TRIM5: variants seen among roughly 807,000 people sequenced by gnomAD.
TRIM5 encodes tripartite motif containing 5.
TRIM5 carries 31 observed loss-of-function variants against 35.6 expected under a neutral mutation model. The ratio of observed to expected loss-of-function variants is 0.87; its 90% CI spans 0.65 to 1.18. The LOEUF is 1.18. Ranked by LOEUF, TRIM5 falls within the 50% of genes most tolerant of loss-of-function variation. The probability of loss-of-function intolerance (pLI) is 0.00; values close to 1 mark genes in which losing one functional copy is unlikely to be tolerated. For missense variants in TRIM5, 609 were observed against 591.6 expected (o/e 1.03, Z -0.31); for synonymous variants, 243 against 215.6 (o/e 1.13, Z -1.11).
At chr11:5,603,001 C>T in the TRIM5 span, among the ~76,000 whole-genome samples, 1 of 152,106 alleles carries the variant, frequency 6.6e-6, no homozygotes, top group Non-Finnish European at 1.5e-5. Context: ...CTCACACAGG[C>T]CCCTCCTTTC....
the TRIM5 span, among the ~76,000 whole-genome samples, chr11:5,649,645 T>C: frequency 6.6e-6 from 1 of 152,176 alleles, no homozygotes; most frequent in African/African-American, 2.4e-5. Flanking sequence ...CATTGTCATG[T>C]CTACTGGTGA....
the TRIM5 span, chr11:5,603,498 CT>C: frequency 1.9e-6 from 3 of 1,613,988 alleles, no homozygotes; most frequent in Non-Finnish European, 2.5e-6. Flanking sequence ...GCCAGACCAG[CT>C]ACCAGCCAGG....
At chr11:5,605,428 A>C in the TRIM5 span, 1 of 1,614,098 alleles carries the variant, frequency 6.2e-7, no homozygotes, top group African/African-American at 1.3e-5. Context: ...GAGCTGAAAA[A>C]GCTGGAACAG....
At chr11:5,629,731 G>T in the TRIM5 span, among the ~76,000 whole-genome samples, 1 of 152,188 alleles carries the variant, frequency 6.6e-6, no homozygotes, top group African/African-American at 2.4e-5. Context: ...TTTTTGAGAC[G>T]GAGTCTCGCT....
chr11:5,600,614 T>C, the TRIM5 span, among the ~76,000 whole-genome samples: 8 of 152,204 alleles, frequency 5.3e-5, no homozygotes, highest in Non-Finnish European at 1.0e-4. Flanking sequence ...CAGTTTGATA[T>C]ACTTTTTAAA....
At chr11:5,639,438 T>C in the TRIM5 span, among the ~76,000 whole-genome samples, 1 of 152,002 alleles carries the variant, frequency 6.6e-6, no homozygotes, top group Admixed American at 6.6e-5. Flanking sequence ...CCCAGCACTT[T>C]GGGAGACCGA....
Position 5,664,610 on chromosome 11 carries a change from C to T in TRIM5, c.*199G>A, listed in dbSNP as rs552972278. 16 of 1,306,258 alleles carry T rather than the reference C, an allele frequency of 1.2e-5. No individual in the cohort carries two copies. Among genetic ancestry groups the T allele is most frequent in the African/African-American group, 3.0e-5 (2 of 66,700 alleles). 80.9% of individuals were successfully genotyped at this position (1,306,258 alleles called of 1,614,324 possible). A position where few individuals can be genotyped will look rare whatever the true frequency, so the allele number is the denominator to read the frequency against. On this transcript the variant is annotated 3_prime_UTR_variant, in exon 8 of 8. Transcript: ENST00000380034. ...GTACGGAAAATGATGAAAAAAATTG[C>T]TATCAAATGTCAATAAAATATTGGG...
At chr11:5,640,978 G>C in the TRIM5 span, among the ~76,000 whole-genome samples, 1 of 151,840 alleles carries the variant, frequency 6.6e-6, no homozygotes, top group Non-Finnish European at 1.5e-5. Flanking sequence ...AAGGTCAGTA[G>C]TAATATCCCA....
the TRIM5 span, among the ~76,000 whole-genome samples, chr11:5,594,053 T>A: frequency 6.6e-6 from 1 of 152,244 alleles, no homozygotes; most frequent in East Asian, 1.9e-4. Context: ...TGTGTACAAA[T>A]CTTTGCACGG....
chr11:5,669,077 A>G (rs1851359751), intron 4 of TRIM5, among the ~76,000 whole-genome samples: 9 of 129,068 alleles, frequency 7.0e-5, no homozygotes, highest in Admixed American at 6.0e-4. Context: ...TTTGGTCTAC[A>G]TTCTTTTTTT....
chr11:5,605,378 T>C, the TRIM5 span: 1 of 1,614,008 alleles, frequency 6.2e-7, no homozygotes, highest in Non-Finnish European at 8.5e-7. Context: ...AGACAGAGTT[T>C]AATCAGCTGC....
At chr11:5,603,177 G>C in the TRIM5 span, 2 of 1,553,704 alleles carry the variant, frequency 1.3e-6, no homozygotes, top group South Asian at 2.5e-5. Flanking sequence ...CCAGGACTGG[G>C]CAGTCAGTAT....
chr11:5,619,931 C>A, the TRIM5 span: 1 of 150,924 alleles, frequency 6.6e-6, no homozygotes, highest in African/African-American at 2.4e-5. Context: ...AACTCCTGAC[C>A]TCAAGTGATC....
rs754663708 is a variant in TRIM5, at chr11:5,665,323, G to T, written c.968C>A (p.Pro323Gln). The change falls in exon 8 of 8, where the codon CCG becomes CAG. Residue 323 changes from proline (P) to glutamine (Q), a missense_variant. Transcript: ENST00000380034. The stretch of plus-strand genomic sequence containing the variant: ...TGCCCCATATATTATCTGTGGTTTC[G>T]GAGAGCTCACTTGTCTCTTATCTTC... ...ISEDKRQVSS[P>Q]KPQIIYGARG... 1.9e-6 allele frequency: 3 copies of T among 1,614,028 alleles called. No homozygotes were observed. In the South Asian group the frequency reaches 3.3e-5, roughly 18 times the overall value.
chr11:5,678,269 A>T lies in TRIM5; in HGVS notation c.679T>A (p.Ser227Thr), dbSNP rs754689995. The T allele has an allele frequency of 1.2e-6, 2 of 1,613,670 alleles. No individual in the cohort carries two copies. Among genetic ancestry groups the T allele is most frequent in the African/African-American group, 1.3e-5 (1 of 75,006 alleles). ...SETEMVQQTQ[S>T]LRELISDLEH... is the part of the protein sequence containing the mutation. ...AGATCTGAGATGAGCTCTCTCAGGG[A>T]CTGGGTCTGCTGCACCATCTCAGTT... The change falls in exon 4 of 8, where the codon TCC becomes ACC. Residue 227 changes from serine to threonine, a missense_variant. Physicochemically the swap from Ser to Thr is moderately conservative, Grantham distance 58. Transcript: ENST00000380034.
At chr11:5,676,507 A>G (rs1851992834) in intron 4 of TRIM5, among the ~76,000 whole-genome samples, 1 of 152,220 alleles carries the variant, frequency 6.6e-6, no homozygotes, top group African/African-American at 2.4e-5. Flanking sequence ...GGAAGAATCA[A>G]TATCGTGAAA....
At chr11:5,610,341 G>A in the TRIM5 span, 3 of 1,586,310 alleles carry the variant, frequency 1.9e-6, no homozygotes, top group Non-Finnish European at 1.7e-6. Context: ...GAGCATAGTG[G>A]CAAAGAGGGA....
downstream of TRIM5, among the ~76,000 whole-genome samples, chr11:5,660,534 A>G (rs568686032): frequency 3.9e-5 from 6 of 152,296 alleles, no homozygotes; most frequent in Admixed American, 6.5e-5. Context: ...CAGTTTTATT[A>G]GAATATATAC....
chr11:5,630,245 C>T, the TRIM5 span, among the ~76,000 whole-genome samples: 13 of 152,214 alleles, frequency 8.5e-5, no homozygotes, highest in Non-Finnish European at 8.8e-5. Context: ...ATGGTGATGG[C>T]GATGTGTTTT....
Sources: gnomAD v4.1 joint callset for allele counts (sites outside exome capture counted in the v4.1 genomes callset) on GRCh38, gnomAD v4.1.1 for gene constraint, MANE v1.5 for transcripts, NCBI Gene and HGNC (gene_info 2026-07-23, HGNC 2026-07-21) for gene names.